PIEZO2: variants seen among roughly 807,000 people sequenced by gnomAD.
The protein encoded by PIEZO2 is piezo-type mechanosensitive ion channel component 2.
Under a neutral mutation model 337.3 loss-of-function variants are expected in PIEZO2, and 172 were observed. The observed-to-expected ratio is 0.51, with a 90% CI of 0.45 to 0.58. The LOEUF is 0.58. PIEZO2 is among the 20% of genes least tolerant of loss of function. The pLI is 0.00. For missense variants in PIEZO2, 3,028 were observed against 3,391.3 expected, an observed-to-expected ratio of 0.89 and a Z score of 2.66; for synonymous variants, 1,251 against 1,228.5, an observed-to-expected ratio of 1.02 and a Z score of -0.38.
rs530395348 is a variant in PIEZO2 at position 10,816,420 on chromosome 18, C to T, written c.918-9146G>A. Among the ~76,000 whole-genome samples, 7 of 152,156 alleles carry T rather than the reference C, an allele frequency of 4.6e-5. No individual in the cohort carries two copies. The East Asian group carries it at 1.4e-3, about 29-fold the overall frequency. On this transcript the variant is annotated intron_variant, in intron 7 of 55. Transcript: ENST00000674853. ...ATGTTCAGATTATTATAATGGCAAC[C>T]CTAGTAGTAGCTTTACTAATAATTT...
intron 3 of PIEZO2, among the ~76,000 whole-genome samples, chr18:10,972,456 TGTGGG>T (rs1381292323): frequency 6.6e-6 from 1 of 152,074 alleles, no homozygotes; most frequent in African/African-American, 2.4e-5. Context: ...AGGCTGCAGC[TGTGGG>T]GCAGGTGGAG....
chr18:11,062,799 T>C (rs950801730), intron 2 of PIEZO2, among the ~76,000 whole-genome samples: 1 of 152,206 alleles, frequency 6.6e-6, no homozygotes, highest in African/African-American at 2.4e-5. Context: ...GGAACACTTT[T>C]ACACTGTTGG....
At chr18:11,133,284 G>A (rs1294958694) in intron 1 of PIEZO2, among the ~76,000 whole-genome samples, 1 of 152,088 alleles carries the variant, frequency 6.6e-6, no homozygotes, top group Non-Finnish European at 1.5e-5. Flanking sequence ...GGATTGGCAC[G>A]TTTCCGGTTG....
At chr18:11,118,467 A>T (rs1002567587) in intron 1 of PIEZO2, among the ~76,000 whole-genome samples, 3 of 152,242 alleles carry the variant, frequency 2.0e-5, no homozygotes, top group African/African-American at 7.2e-5. Context: ...CAGCATCAGA[A>T]CATTATAGAA....
intron 2 of PIEZO2, among the ~76,000 whole-genome samples, chr18:11,043,763 G>A (rs1385414506): frequency 1.3e-5 from 2 of 151,890 alleles, no homozygotes; most frequent in Non-Finnish European, 2.9e-5. Flanking sequence ...TCCGCCTCCC[G>A]GGTTCAAGCA....
intron 10 of PIEZO2, 124 bp from the exon 11 acceptor site, chr18:10,800,599 C>A: frequency 1.7e-6 from 2 of 1,176,294 alleles, no homozygotes. Context: ...AGCTGAATAA[C>A]TTAGCCAATT....
In PIEZO2 at chr18:11,058,686, T is replaced by G. The variant is rs548677395; in HGVS notation, c.160+7441A>C. 3.9e-5 allele frequency among the ~76,000 whole-genome samples: 6 copies of G among 151,912 alleles called. No homozygotes were observed. The East Asian group carries it at 1.2e-3, about 29-fold the overall frequency. ...AAGAAAGGGTATCGGTGATGGAAGA[T>G]GAAATGAATGAAATGAAGCAAAAAG... is the stretch of plus-strand genomic sequence containing the variant. On this transcript the variant is annotated intron_variant, in intron 2 of 55. Transcript: ENST00000674853.
At chr18:10,762,863 G>A (rs530683955) in intron 22 of PIEZO2, 59 bp downstream of exon 22, 2 of 1,496,070 alleles carry the variant, frequency 1.3e-6, no homozygotes, top group East Asian at 4.9e-5. Context: ...GGTTCCCCAA[G>A]TATCTGCCTT....
chr18:10,906,447 T>A (rs2029927906), intron 4 of PIEZO2, among the ~76,000 whole-genome samples: 1 of 152,208 alleles, frequency 6.6e-6, no homozygotes, highest in Admixed American at 6.5e-5. Flanking sequence ...GGCAAATTAA[T>A]ATACTCAAGC....
chr18:10,803,600 T>C (rs1029069390), intron 9 of PIEZO2, among the ~76,000 whole-genome samples: 1 of 152,228 alleles, frequency 6.6e-6, no homozygotes, highest in African/African-American at 2.4e-5. Flanking sequence ...TTGTTTTAAT[T>C]ACAAAATTAT....
Position 10,861,935 on chromosome 18 carries a change from T to C in PIEZO2, c.493-4724A>G, listed in dbSNP as rs1297874703. ...CAGGAAGCTGAGGCAGGAGAATCACTGGAACCAACGAGGCAGAGGTCGCAG... is the reference window on the plus strand; with the variant it reads ...CAGGAAGCTGAGGCAGGAGAATCACCGGAACCAACGAGGCAGAGGTCGCAG... On this transcript the variant is annotated intron_variant, in intron 5 of 55. Coordinates refer to ENST00000674853, the MANE Select transcript of PIEZO2 (RefSeq NM_001378183.1). The surrounding 1 kb of genome is among the most constrained non-coding windows in gnomAD (Gnocchi z 4.3). 1.3e-5 allele frequency among the ~76,000 whole-genome samples: 2 copies of C among 151,802 alleles called. No individual in the cohort carries two copies. The highest frequency in any genetic ancestry group is 4.8e-5 in the African/African-American group (2 of 41,318).
rs1211468649 is a variant in PIEZO2, at chr18:11,023,566, T to A, written c.160+42561A>T. ...AAGGTTCTCCAAGTCCCCACCAGAG[T>A]CAGGAGCCCAGCTGGCTTCACCCAG... On this transcript the variant is annotated intron_variant, in intron 2 of 55. Coordinates refer to ENST00000674853, the MANE Select transcript of PIEZO2 (RefSeq NM_001378183.1). 2.6e-5 allele frequency among the ~76,000 whole-genome samples: 4 copies of A among 152,220 alleles called. No homozygotes were observed. In the East Asian group the frequency reaches 7.7e-4, roughly 29 times the overall value.
chr18:10,864,205 C>T (rs75718880), intron 5 of PIEZO2, among the ~76,000 whole-genome samples: 1,998 of 152,262 alleles, frequency 0.013, 48 homozygotes, highest in African/African-American at 0.045. Flanking sequence ...TCAGAATCAA[C>T]AGTATTCCTT....
chr18:10,798,094 A>C (rs2039675059), intron 11 of PIEZO2, among the ~76,000 whole-genome samples: 2 of 152,184 alleles, frequency 1.3e-5, no homozygotes, highest in Admixed American at 1.3e-4. Context: ...ATAGCTACAC[A>C]GTGAGCCTGG....
At chr18:10,849,991 T>G (rs555557357) in intron 7 of PIEZO2, among the ~76,000 whole-genome samples, 2 of 152,348 alleles carry the variant, frequency 1.3e-5, no homozygotes, top group South Asian at 4.1e-4. Context: ...CAGTTATTGT[T>G]ATAATAGACT....
chr18:10,981,107 T>C (rs189407865), intron 2 of PIEZO2, among the ~76,000 whole-genome samples: 69 of 152,198 alleles, frequency 4.5e-4, no homozygotes, highest in Admixed American at 7.9e-4. Context: ...TGTAAGCCAA[T>C]TCCTTGTAAT....
chr18:10,774,792 CTATT>C (rs2038730115), intron 18 of PIEZO2, among the ~76,000 whole-genome samples: 2 of 152,180 alleles, frequency 1.3e-5, no homozygotes, highest in South Asian at 4.1e-4. Context: ...ATAGTCTTCT[CTATT>C]TATCATAGTT....
intron 3 of PIEZO2, among the ~76,000 whole-genome samples, chr18:10,912,178 T>C (rs1386239075): frequency 6.6e-6 from 1 of 152,174 alleles, no homozygotes; most frequent in African/African-American, 2.4e-5. Context: ...AAAGATGTTA[T>C]ACAATTTTTC....
At chr18:11,042,911 T>C (rs545722275) in intron 2 of PIEZO2, among the ~76,000 whole-genome samples, 1 of 152,340 alleles carries the variant, frequency 6.6e-6, no homozygotes, top group Non-Finnish European at 1.5e-5. Context: ...AGAAAATACT[T>C]CTTCAAAGAA....
Sources: allele counts gnomAD v4.1 joint callset (sites outside exome capture counted in the v4.1 genomes callset), GRCh38; gene constraint gnomAD v4.1.1; non-coding constraint Gnocchi (gnomAD v3.1); transcripts MANE v1.5; gene names NCBI Gene and HGNC (gene_info 2026-07-23, HGNC 2026-07-21).